Variants in CD58 observed in about 807,000 individuals in gnomAD.
CD58 encodes the protein CD58 molecule.
A neutral mutation model predicts 27.6 loss-of-function variants in CD58; 14 were observed. That is an observed-to-expected ratio of 0.51 (90% CI 0.34 to 0.79). The LOEUF is 0.79. CD58 is among the 30% of genes least tolerant of loss of function. CD58 has a pLI of 0.02. For missense variants in CD58, 268 were observed against 301.7 expected, an observed-to-expected ratio of 0.89 and a Z score of 0.83; for synonymous variants, 117 against 103.8, an observed-to-expected ratio of 1.13 and a Z score of -0.77.
rs1272593762 is a variant in CD58 at position 116,570,334 on chromosome 1, C to A, written c.70+569G>T. 6.6e-6 allele frequency among the ~76,000 whole-genome samples: 1 copy of A among 152,190 alleles called. No homozygotes were observed. The highest frequency in any genetic ancestry group is 1.5e-5 in the Non-Finnish European group (1 of 68,024). On this transcript the variant is annotated intron_variant, in intron 1 of 5. Coordinates refer to ENST00000369489, the MANE Select transcript of CD58 (RefSeq NM_001779.3). The surrounding 1 kb of genome is among the most constrained non-coding windows in gnomAD (Gnocchi z 6.4). The stretch of plus-strand genomic sequence containing the variant: ...AGCAGGAGTCGCACCACTTAGGAAT[C>A]CCAACGTGAGGCCGCTGCCGACTGG...
intron 3 of CD58, chr1:116,533,929 T>C: frequency 7.0e-7 from 1 of 1,418,890 alleles, no homozygotes; most frequent in Non-Finnish European, 9.9e-7. Context: ...AGTTTCGATG[T>C]AGCTGGAAGG....
At chr1:116,556,470 A>G (rs1194376114) in intron 1 of CD58, among the ~76,000 whole-genome samples, 1 of 152,132 alleles carries the variant, frequency 6.6e-6, no homozygotes, top group East Asian at 1.9e-4. Flanking sequence ...TCTTAAAGAT[A>G]GTGACATGAT....
At chr1:116,566,616 T>C (rs1658944420) in intron 1 of CD58, among the ~76,000 whole-genome samples, 1 of 152,090 alleles carries the variant, frequency 6.6e-6, no homozygotes, top group South Asian at 2.1e-4. Flanking sequence ...AAGGAAGTGT[T>C]TAAAATCAAA....
In CD58 at chr1:116,519,401, A is replaced by G; in HGVS notation, c.707-134T>C. 2.6e-6 allele frequency: 2 copies of G among 778,344 alleles called. No homozygotes were observed. The highest frequency in any genetic ancestry group is 2.9e-5 in the South Asian group (2 of 68,130). The allele number at this position is 778,344 out of a possible 1,614,324, so 48.2% of individuals were successfully genotyped here. ...CCCCATCACCCTGGGATTTCCTGCT[A>G]TCCTATATGCTTTAAATCAAATCGG... On this transcript the variant is annotated intron_variant, in intron 4 of 5. Coordinates refer to ENST00000369489, the MANE Select transcript of CD58 (RefSeq NM_001779.3). The surrounding 1 kb of genome is among the most constrained non-coding windows in gnomAD (Gnocchi z 4.7).
intron 1 of CD58, among the ~76,000 whole-genome samples, chr1:116,566,640 A>G (rs1658944806): frequency 6.6e-6 from 1 of 152,202 alleles, no homozygotes. Flanking sequence ...GAACAAACAG[A>G]GCAAAAGGAC....
chr1:116,526,521 C>T (rs1408791812), intron 3 of CD58, among the ~76,000 whole-genome samples: 3 of 152,154 alleles, frequency 2.0e-5, no homozygotes, highest in Non-Finnish European at 4.4e-5. Flanking sequence ...TATTTCTGGG[C>T]TCTCTATTCC....
Position 116,522,040 on chromosome 1 carries a change from C to G in CD58, c.629-57G>C, listed in dbSNP as rs1292797462. On this transcript the variant is annotated intron_variant, in intron 3 of 5. Transcript: ENST00000369489. This position sits in a 1 kb window ranked among gnomAD's most constrained non-coding sequence, Gnocchi z 4.6. ...AGTTGAACTGATCAAAATGGATCCTCATTATTTGCAGATTCCACCTTGCGG... is the reference window on the plus strand; with the variant it reads ...AGTTGAACTGATCAAAATGGATCCTGATTATTTGCAGATTCCACCTTGCGG... The G allele has an allele frequency of 1.4e-4, 124 of 911,458 alleles. 3 individuals carry two copies. In the South Asian group the frequency reaches 1.9e-3, roughly 14 times the overall value. 56.5% of individuals were successfully genotyped at this position (911,458 alleles called of 1,614,324 possible).
intron 1 of CD58, among the ~76,000 whole-genome samples, chr1:116,554,477 G>C (rs1466833454): frequency 1.3e-5 from 2 of 152,058 alleles, no homozygotes; most frequent in African/African-American, 4.8e-5. Flanking sequence ...CTTGAGCCCA[G>C]GAGTTTGATA....
chr1:116,542,604 G>A (rs939878153), intron 2 of CD58, among the ~76,000 whole-genome samples: 8 of 152,192 alleles, frequency 5.3e-5, no homozygotes, highest in Admixed American at 4.6e-4. Context: ...TCATGAGAAA[G>A]TTTTAATGAC....
intron 2 of CD58, among the ~76,000 whole-genome samples, chr1:116,543,031 G>A (rs1055424297): frequency 6.6e-6 from 1 of 152,226 alleles, no homozygotes; most frequent in South Asian, 2.1e-4. Context: ...TAAGTGATTA[G>A]AGAAATTAAA....
chr1:116,543,549 C>A (rs1658061470), intron 2 of CD58, among the ~76,000 whole-genome samples: 1 of 151,770 alleles, frequency 6.6e-6, no homozygotes, highest in Non-Finnish European at 1.5e-5. Flanking sequence ...GACTGCAACA[C>A]AAAAGGGGCT....
Position 116,521,824 on chromosome 1 carries a change from T to G in CD58, c.706+82A>C. The G allele has an allele frequency of 1.1e-6, 1 of 913,042 alleles. No homozygotes were observed. Among genetic ancestry groups the G allele is most frequent in the Non-Finnish European group, 1.7e-6 (1 of 581,572 alleles). 56.6% of individuals were successfully genotyped at this position (913,042 alleles called of 1,614,324 possible). On this transcript the variant is annotated intron_variant, in intron 4 of 5. Coordinates refer to ENST00000369489, the MANE Select transcript of CD58 (RefSeq NM_001779.3). The surrounding 1 kb of genome is among the most constrained non-coding windows in gnomAD (Gnocchi z 5.6). ...TTCAAATGTCTAAAATTTCAAACTTTATTTTCATCCTTAAACTATTTTCTG... is the reference window on the plus strand; with the variant it reads ...TTCAAATGTCTAAAATTTCAAACTTGATTTTCATCCTTAAACTATTTTCTG...
rs369671207 is a variant in CD58 at position 116,544,401 on chromosome 1, T to C, written c.274A>G (p.Ile92Val). Residue 92 changes from isoleucine to valine, a missense_variant, in exon 2 of 6, where the codon ATC (isoleucine) becomes GTC (valine). Coordinates refer to ENST00000369489, the MANE Select transcript of CD58 (RefSeq NM_001779.3). The stretch of plus-strand genomic sequence containing the variant: ...TCATCTGATGATGTTAAGTTGTAGA[T>C]AGTGAGGCTACCTGACACAGTGTCT... ...YLDTVSGSLT[I>V]YNLTSSDEDE... is the part of the protein sequence containing the mutation. 1.8e-5 allele frequency: 29 copies of C among 1,612,526 alleles called. No homozygotes were observed. The highest frequency in any genetic ancestry group is 2.4e-5 in the Non-Finnish European group (28 of 1,178,684).
Position 116,528,227 on chromosome 1 carries a change from T to C in CD58, c.629-6244A>G, listed in dbSNP as rs1336378953. ...TGGTTCAAACTTTGTTCAAATATTCTTAACATTCTTTATCTCAGTCTACAT... is the reference window on the plus strand; with the variant it reads ...TGGTTCAAACTTTGTTCAAATATTCCTAACATTCTTTATCTCAGTCTACAT... On this transcript the variant is annotated intron_variant, in intron 3 of 5. Transcript: ENST00000369489. The surrounding 1 kb of genome is among the most constrained non-coding windows in gnomAD (Gnocchi z 4.4). Among the ~76,000 whole-genome samples, 1 of 152,262 alleles carries C rather than the reference T, an allele frequency of 6.6e-6. No individual in the cohort carries two copies. The highest frequency in any genetic ancestry group is 1.5e-5 in the Non-Finnish European group (1 of 68,040).
chr1:116,514,822 G>C lies in CD58; in HGVS notation c.744C>G (p.Asn248Lys). ...CATCTTCTGTTACCAATCAATTGGAGCTACAAAAAAAAATCATATTATTAA... is the reference window on the plus strand; with the variant it reads ...CATCTTCTGTTACCAATCAATTGGACCTACAAAAAAAAATCATATTATTAA... ...LKCDRKPDRT[N>K]SN Residue 248 changes from asparagine (N) to lysine (K), a missense_variant and splice_region_variant, in exon 6 of 6, where the codon AAC (asparagine) becomes AAG (lysine). Physicochemically the swap from Asn to Lys is moderately conservative, Grantham distance 94. Coordinates refer to ENST00000369489, the MANE Select transcript of CD58 (RefSeq NM_001779.3). The C allele has an allele frequency of 6.4e-7, 1 of 1,558,608 alleles. No homozygotes were observed. The highest frequency in any genetic ancestry group is 8.8e-7 in the Non-Finnish European group (1 of 1,134,944).
chr1:116,558,238 G>A (rs970176443), intron 1 of CD58, among the ~76,000 whole-genome samples: 1 of 151,780 alleles, frequency 6.6e-6, no homozygotes, highest in Admixed American at 6.6e-5. Context: ...ATTTCCCTCT[G>A]AATATAAGAC....
rs1571080115 is a variant in CD58 at position 116,548,567 on chromosome 1, C to T, written c.71-3963G>A. The stretch of plus-strand genomic sequence containing the variant: ...TCTAGCTTAATTTAGTGTAAGAATA[C>T]AACATGCAATGCATATAACATAGAA... On this transcript the variant is annotated intron_variant, in intron 1 of 5. Transcript: ENST00000369489. Among the ~76,000 whole-genome samples, 3 of 152,168 alleles carry T rather than the reference C, an allele frequency of 2.0e-5. No homozygotes were observed. The South Asian group carries it at 6.2e-4, about 31-fold the overall frequency.
At chr1:116,542,455 G>A (rs1473839725) in intron 2 of CD58, among the ~76,000 whole-genome samples, 1 of 152,214 alleles carries the variant, frequency 6.6e-6, no homozygotes, top group East Asian at 1.9e-4. Context: ...TTTTGGCATA[G>A]CAGTGCAGAT....
intron 3 of CD58, 52 bp downstream of exon 3, chr1:116,535,913 C>T: frequency 7.7e-7 from 1 of 1,290,892 alleles, no homozygotes; most frequent in Non-Finnish European, 1.1e-6. Flanking sequence ...TTGTGTTAGT[C>T]ACCACATCTG....
Sources: gnomAD v4.1 joint callset for allele counts (sites outside exome capture counted in the v4.1 genomes callset) on GRCh38, gnomAD v4.1.1 for gene constraint, Gnocchi (gnomAD v3.1) non-coding constraint, MANE v1.5 for transcripts, NCBI Gene and HGNC (gene_info 2026-07-23, HGNC 2026-07-21) for gene names.